The following FXYD6 variants were observed in gnomAD, a reference collection of about 807,000 sequenced individuals.
FXYD6 encodes the protein FXYD domain containing ion transport regulator 6.
A neutral mutation model predicts 16.7 loss-of-function variants in FXYD6; 7 were observed. That is an observed-to-expected ratio of 0.42 (90% CI 0.24 to 0.79). The LOEUF (loss-of-function observed/expected upper bound fraction) is 0.79, where lower values mean the gene tolerates loss of function less well. Ranked by LOEUF, FXYD6 falls within the 30% of genes least tolerant of loss-of-function variation. The pLI is 0.28. For missense variants in FXYD6, 111 were observed against 116.2 expected, an observed-to-expected ratio of 0.95 and a Z score of 0.21; for synonymous variants, 49 against 43.0, an observed-to-expected ratio of 1.14 and a Z score of -0.54.
At chr11:117,841,039 C>A in intron 5 of FXYD6, 109 bp downstream of exon 5, 2 of 1,429,776 alleles carry the variant, frequency 1.4e-6, no homozygotes, top group Non-Finnish European at 9.6e-7. Context: ...CACGTTCTGC[C>A]TCCGAGACAA....
At position 117,845,284 on chromosome 11, in the gene FXYD6, T is replaced by A. The variant is rs1011541756; in HGVS notation, c.-5-2503A>T. 1.2e-4 allele frequency among the ~76,000 whole-genome samples: 18 copies of A among 152,236 alleles called. 1 individual carries two copies. Among genetic ancestry groups the A allele is most frequent in the African/African-American group, 2.4e-5 (1 of 41,454 alleles). ...GTGTCTGGCTTTCAAGTTAGCATAATGTTTTCAGGGTTCATCTACCTTGTA... is the reference window on the plus strand; with the variant it reads ...GTGTCTGGCTTTCAAGTTAGCATAAAGTTTTCAGGGTTCATCTACCTTGTA... On this transcript the variant is annotated intron_variant, in intron 1 of 7. Transcript: ENST00000526014.
At chr11:117,850,684 G>A (rs893598725) in intron 1 of FXYD6, among the ~76,000 whole-genome samples, 5 of 151,634 alleles carry the variant, frequency 3.3e-5, no homozygotes, top group African/African-American at 7.3e-5. Flanking sequence ...TTTGGGGGGC[G>A]GTCTCACTAT....
At chr11:117,848,077 C>T (rs1181995039) in intron 1 of FXYD6, among the ~76,000 whole-genome samples, 1 of 152,214 alleles carries the variant, frequency 6.6e-6, no homozygotes, top group Admixed American at 6.5e-5. Flanking sequence ...GAGATGGTAT[C>T]TCATTGTGGT....
chr11:117,875,265 G>A (rs543670049), intron 1 of FXYD6, among the ~76,000 whole-genome samples: 19 of 152,114 alleles, frequency 1.2e-4, no homozygotes, highest in Admixed American at 9.2e-4. Context: ...TGTTGATTGC[G>A]TAGTGTGGTA....
chr11:117,867,733 C>T (rs540453560), intron 1 of FXYD6, among the ~76,000 whole-genome samples: 5 of 152,262 alleles, frequency 3.3e-5, no homozygotes, highest in African/African-American at 1.2e-4. Flanking sequence ...TCTCTAACTG[C>T]GTGCCTTTGT....
At chr11:117,851,473 A>G (rs1420603128) in intron 1 of FXYD6, among the ~76,000 whole-genome samples, 1 of 152,218 alleles carries the variant, frequency 6.6e-6, no homozygotes, top group African/African-American at 2.4e-5. Flanking sequence ...TTCATGAAAG[A>G]CCTTGAGCCA....
intron 1 of FXYD6, chr11:117,844,009 G>A (rs1359177635): frequency 6.6e-6 from 1 of 152,310 alleles, no homozygotes; most frequent in Non-Finnish European, 1.5e-5. Flanking sequence ...GAAAGCCCAA[G>A]GCTGGGTGCT....
chr11:117,864,318 G>T (rs2056968553), intron 1 of FXYD6, among the ~76,000 whole-genome samples: 1 of 152,172 alleles, frequency 6.6e-6, no homozygotes, highest in African/African-American at 2.4e-5. Flanking sequence ...TTTGACTTGG[G>T]TGCCAAGACC....
chr11:117,855,407 CCT>C (rs2056702464), intron 1 of FXYD6, among the ~76,000 whole-genome samples: 2 of 152,052 alleles, frequency 1.3e-5, no homozygotes, highest in East Asian at 1.9e-4. Flanking sequence ...TGGCACTGCC[CCT>C]GAGTCGAGTG....
At chr11:117,850,916 A>C (rs1042547302) in intron 1 of FXYD6, among the ~76,000 whole-genome samples, 1 of 152,200 alleles carries the variant, frequency 6.6e-6, no homozygotes, top group Non-Finnish European at 1.5e-5. Context: ...AAAAAAGACC[A>C]AAAAAATTCA....
At chr11:117,866,524 A>G (rs2057017915) in intron 1 of FXYD6, among the ~76,000 whole-genome samples, 1 of 152,072 alleles carries the variant, frequency 6.6e-6, no homozygotes, top group Non-Finnish European at 1.5e-5. Flanking sequence ...TCTGCTGACT[A>G]TGACTGAGGT....
intron 1 of FXYD6, among the ~76,000 whole-genome samples, chr11:117,843,323 C>T (rs1238723335): frequency 1.3e-5 from 2 of 152,208 alleles, no homozygotes; most frequent in African/African-American, 4.8e-5. Flanking sequence ...ACAACTAACG[C>T]AGGCCGAGAA....
intron 1 of FXYD6, chr11:117,868,781 T>A (rs2057066268): frequency 1.3e-5 from 2 of 152,110 alleles, no homozygotes; most frequent in South Asian, 4.2e-4. Context: ...TCTGCCCAAG[T>A]TTTCTGTAAA....
chr11:117,859,242 G>A (rs2056848711), intron 1 of FXYD6, among the ~76,000 whole-genome samples: 1 of 152,214 alleles, frequency 6.6e-6, no homozygotes, highest in East Asian at 1.9e-4. Context: ...AGGACACTGT[G>A]GAGCCACTGG....
At chr11:117,871,897 G>A (rs890057134) in intron 1 of FXYD6, among the ~76,000 whole-genome samples, 3 of 152,126 alleles carry the variant, frequency 2.0e-5, no homozygotes, top group African/African-American at 7.2e-5. Context: ...CCCTCTACTC[G>A]GCACATTCCA....
intron 1 of FXYD6, among the ~76,000 whole-genome samples, chr11:117,854,570 A>G (rs2134166671): frequency 6.6e-6 from 1 of 152,358 alleles, no homozygotes; most frequent in Non-Finnish European, 1.5e-5. Context: ...GCTACCAAGG[A>G]GAAGTAGGAT....
chr11:117,854,530 G>A (rs1004973044), intron 1 of FXYD6, among the ~76,000 whole-genome samples: 3 of 152,218 alleles, frequency 2.0e-5, no homozygotes, highest in Non-Finnish European at 2.9e-5. Context: ...GTTCTGCAAA[G>A]GATAAGTAGG....
chr11:117,869,758 A>C (rs1357389812), intron 1 of FXYD6, among the ~76,000 whole-genome samples: 1 of 152,228 alleles, frequency 6.6e-6, no homozygotes, highest in African/African-American at 2.4e-5. Context: ...CAGAAACAGA[A>C]TTCACAAATC....
chr11:117,847,988 A>G (rs1343113458), intron 1 of FXYD6, among the ~76,000 whole-genome samples: 2 of 152,194 alleles, frequency 1.3e-5, no homozygotes, highest in Non-Finnish European at 2.9e-5. Context: ...CCAACAGTGT[A>G]AAATGTTCCT....
Sources: allele counts gnomAD v4.1 joint callset (sites outside exome capture counted in the v4.1 genomes callset), GRCh38; gene constraint gnomAD v4.1.1; transcripts MANE v1.5; gene names NCBI Gene and HGNC (gene_info 2026-07-23, HGNC 2026-07-21).